STX8: variants seen among roughly 807,000 people sequenced by gnomAD.
STX8 encodes the protein syntaxin-8.
A neutral mutation model predicts 37.5 loss-of-function variants in STX8; 23 were observed. The ratio of observed to expected loss-of-function variants is 0.61; its 90% CI spans 0.44 to 0.87. The LOEUF (loss-of-function observed/expected upper bound fraction) is 0.87. STX8 is among the 40% of genes least tolerant of loss of function. The probability of loss-of-function intolerance (pLI) is 0.00; values close to 1 mark genes in which losing one functional copy is unlikely to be tolerated. For missense variants in STX8, 313 were observed against 284.7 expected, an observed-to-expected ratio of 1.10 and a Z score of -0.71; for synonymous variants, 115 against 99.1, an observed-to-expected ratio of 1.16 and a Z score of -0.95.
chr17:9,570,742 C>T (rs555599792), intron 1 of STX8, among the ~76,000 whole-genome samples: 1 of 152,142 alleles, frequency 6.6e-6, no homozygotes, highest in African/African-American at 2.4e-5. Flanking sequence ...AAAAATCATC[C>T]ACATATGGTA....
intron 2 of STX8, among the ~76,000 whole-genome samples, chr17:9,565,555 G>T (rs191195095): frequency 0.011 from 1,686 of 148,278 alleles, 17 homozygotes; most frequent in Middle Eastern, 0.035. Flanking sequence ...GGGAGAGGTT[G>T]CAGTGAGCTG....
chr17:9,437,063 G>A (rs925151246), intron 6 of STX8, among the ~76,000 whole-genome samples: 10 of 152,288 alleles, frequency 6.6e-5, no homozygotes, highest in South Asian at 6.2e-4. Flanking sequence ...AATGAAAAGC[G>A]TTCAAAGTGG....
At chr17:9,382,805 C>T (rs766611546) in intron 6 of STX8, among the ~76,000 whole-genome samples, 1 of 152,164 alleles carries the variant, frequency 6.6e-6, no homozygotes, top group Non-Finnish European at 1.5e-5. Flanking sequence ...AAGGAAAACA[C>T]TTCTGATTTC....
rs1904863839 is a variant in STX8, at chr17:9,507,027, T to G, written c.324-1865A>C. ...TGAAGGGAAACCACCCTCTGCACTT[T>G]CAGCCACAGAAACAGTCCCACCCAG... On this transcript the variant is annotated intron_variant, in intron 4 of 7. Coordinates refer to ENST00000306357, the MANE Select transcript of STX8 (RefSeq NM_004853.3). The surrounding 1 kb of genome is among the most constrained non-coding windows in gnomAD (Gnocchi z 4.0). 6.6e-6 allele frequency among the ~76,000 whole-genome samples: 1 copy of G among 151,876 alleles called. No individual in the cohort carries two copies. Among genetic ancestry groups the G allele is most frequent in the Non-Finnish European group, 1.5e-5 (1 of 67,976 alleles).
intron 6 of STX8, among the ~76,000 whole-genome samples, chr17:9,422,341 A>T (rs531460407): frequency 9.7e-4 from 147 of 152,272 alleles, no homozygotes; most frequent in African/African-American, 3.3e-3. Flanking sequence ...TTCTGACCTC[A>T]GGTGATTTGC....
intron 1 of STX8, among the ~76,000 whole-genome samples, chr17:9,573,874 T>G (rs1907789232): frequency 6.6e-6 from 1 of 152,056 alleles, no homozygotes; most frequent in South Asian, 2.1e-4. Flanking sequence ...ACAAAGGGAC[T>G]CCCTTTGCAA....
intron 7 of STX8, among the ~76,000 whole-genome samples, chr17:9,337,911 T>C (rs1255431332): frequency 6.6e-6 from 1 of 151,810 alleles, no homozygotes; most frequent in Non-Finnish European, 1.5e-5. Context: ...AAAGTGTGTA[T>C]TGAGAAAGGG....
intron 6 of STX8, among the ~76,000 whole-genome samples, chr17:9,416,212 C>A (rs987259827): frequency 6.6e-6 from 1 of 152,196 alleles, no homozygotes; most frequent in Non-Finnish European, 1.5e-5. Context: ...GAGATCCCAA[C>A]TTAATTGGAC....
intron 7 of STX8, among the ~76,000 whole-genome samples, chr17:9,282,440 C>T (rs1222961036): frequency 6.6e-6 from 1 of 152,152 alleles, no homozygotes; most frequent in African/African-American, 2.4e-5. Context: ...GGCCTGATGA[C>T]ATTTTCTTAC....
intron 7 of STX8, among the ~76,000 whole-genome samples, chr17:9,258,061 A>G (rs1661215717): frequency 6.6e-6 from 1 of 152,258 alleles, no homozygotes; most frequent in African/African-American, 2.4e-5. Context: ...AGTTAGGCCA[A>G]CTGGCAACCC....
intron 7 of STX8, among the ~76,000 whole-genome samples, chr17:9,359,676 AT>A (rs1278871595): frequency 3.3e-5 from 5 of 151,202 alleles, no homozygotes; most frequent in Non-Finnish European, 7.4e-5. Flanking sequence ...CCCGGCTAAT[AT>A]TTTTGTATTT....
At chr17:9,253,741 G>A (rs1411880649) in intron 7 of STX8, among the ~76,000 whole-genome samples, 1 of 152,122 alleles carries the variant, frequency 6.6e-6, no homozygotes, top group African/African-American at 2.4e-5. Flanking sequence ...ATGCATCAAG[G>A]CAGGCTCCAC....
At chr17:9,431,498 T>C (rs2142372286) in intron 6 of STX8, among the ~76,000 whole-genome samples, 2 of 152,014 alleles carry the variant, frequency 1.3e-5, no homozygotes, top group Middle Eastern at 3.4e-3. Flanking sequence ...GGTTTCACCA[T>C]GTTGGCCAGG....
intron 6 of STX8, among the ~76,000 whole-genome samples, chr17:9,471,875 TGATAA>T (rs1172283463): frequency 6.6e-6 from 1 of 152,208 alleles, no homozygotes; most frequent in Non-Finnish European, 1.5e-5. Context: ...CCTTTTGCTA[TGATAA>T]ATCATAATCA....
chr17:9,571,952 A>G (rs979430052), intron 1 of STX8, among the ~76,000 whole-genome samples: 20 of 152,230 alleles, frequency 1.3e-4, no homozygotes, highest in African/African-American at 4.8e-4. Context: ...GGTAGAGATG[A>G]AACAAGAATG....
chr17:9,289,800 A>T (rs1393506434), intron 7 of STX8, among the ~76,000 whole-genome samples: 1 of 152,106 alleles, frequency 6.6e-6, no homozygotes, highest in Non-Finnish European at 1.5e-5. Flanking sequence ...AAACAAAACA[A>T]AACACACAAA....
At chr17:9,481,645 C>CTA (rs1434290267) in intron 6 of STX8, among the ~76,000 whole-genome samples, 2 of 152,124 alleles carry the variant, frequency 1.3e-5, no homozygotes, top group Non-Finnish European at 2.9e-5. Flanking sequence ...ATGAAGTATG[C>CTA]TATAGCAGGG....
intron 6 of STX8, among the ~76,000 whole-genome samples, chr17:9,480,119 A>G (rs1906260828): frequency 6.6e-6 from 1 of 152,122 alleles, no homozygotes; most frequent in Non-Finnish European, 1.5e-5. Context: ...CTGTGTTATC[A>G]CCGTCTCTAA....
At chr17:9,350,871 G>C (rs1392203938) in intron 7 of STX8, among the ~76,000 whole-genome samples, 1 of 152,084 alleles carries the variant, frequency 6.6e-6, no homozygotes, top group Non-Finnish European at 1.5e-5. Flanking sequence ...CTATCTTTCA[G>C]GATGAGATAT....
Sources: allele counts gnomAD v4.1 joint callset (sites outside exome capture counted in the v4.1 genomes callset), GRCh38; gene constraint gnomAD v4.1.1; non-coding constraint Gnocchi (gnomAD v3.1); transcripts MANE v1.5; gene names NCBI Gene and HGNC (gene_info 2026-07-23, HGNC 2026-07-21).